The following RBFOX1 variants were observed in gnomAD, a reference collection of about 807,000 sequenced individuals.
The protein encoded by RBFOX1 is RNA binding protein fox-1 homolog 1.
Under a neutral mutation model 57.7 loss-of-function variants are expected in RBFOX1, and 8 were observed. The ratio of observed to expected loss-of-function variants is 0.14; its 90% CI spans 0.08 to 0.25. The LOEUF (loss-of-function observed/expected upper bound fraction) is 0.25, where lower values mean the gene tolerates loss of function less well. Ranked by LOEUF, RBFOX1 falls within the 10% of genes least tolerant of loss-of-function variation. RBFOX1 has a pLI of 1.00. For synonymous variants in RBFOX1, 326 were observed against 222.4 expected (o/e 1.47, Z -4.15); for missense variants, 611 against 548.5 (o/e 1.11, Z -1.14).
At chr16:5,384,377 T>G (rs1169311408) in intron 1 of RBFOX1, among the ~76,000 whole-genome samples, 1 of 152,014 alleles carries the variant, frequency 6.6e-6, no homozygotes, top group African/African-American at 2.4e-5. Flanking sequence ...TCAATAGAGG[T>G]TCTCCTAAAG....
intron 4 of RBFOX1, among the ~76,000 whole-genome samples, chr16:7,489,118 G>T (rs1599765997): frequency 6.6e-6 from 1 of 151,988 alleles, no homozygotes; most frequent in African/African-American, 2.4e-5. Flanking sequence ...TTCTCATTCT[G>T]TCCAAATCTC....
chr16:6,859,939 G>A (rs533436149), intron 3 of RBFOX1, among the ~76,000 whole-genome samples: 1 of 152,160 alleles, frequency 6.6e-6, no homozygotes, highest in Non-Finnish European at 1.5e-5. Context: ...TTAATGAATT[G>A]AGACAGCTGA....
chr16:6,859,760 A>C (rs2058678931), intron 3 of RBFOX1, among the ~76,000 whole-genome samples: 1 of 152,196 alleles, frequency 6.6e-6, no homozygotes, highest in South Asian at 2.1e-4. Context: ...CAGACATGTT[A>C]ATATGAAGTT....
At chr16:6,060,740 G>C (rs2095674848) in intron 1 of RBFOX1, among the ~76,000 whole-genome samples, 1 of 152,156 alleles carries the variant, frequency 6.6e-6, no homozygotes, top group African/African-American at 2.4e-5. Context: ...CAGGGGCAGA[G>C]AGTTCAGTCA....
intron 2 of RBFOX1, among the ~76,000 whole-genome samples, chr16:6,468,983 C>T (rs568111282): frequency 1.3e-5 from 2 of 152,084 alleles, no homozygotes; most frequent in South Asian, 4.2e-4. Context: ...GTGTTGTTTC[C>T]CTACCTTTTC....
intron 3 of RBFOX1, among the ~76,000 whole-genome samples, chr16:6,654,909 C>G (rs1287020528): frequency 6.6e-6 from 1 of 151,814 alleles, no homozygotes; most frequent in Non-Finnish European, 1.5e-5. Flanking sequence ...TCAGTCATAC[C>G]CTTCTTTTCA....
intron 2 of RBFOX1, among the ~76,000 whole-genome samples, chr16:6,624,819 A>T (rs933024613): frequency 6.6e-6 from 1 of 152,146 alleles, no homozygotes; most frequent in Non-Finnish European, 1.5e-5. Context: ...AATACTTAGC[A>T]CATACCATGT....
At chr16:6,993,216 C>A (rs1371861884) in intron 3 of RBFOX1, among the ~76,000 whole-genome samples, 1 of 152,150 alleles carries the variant, frequency 6.6e-6, no homozygotes, top group Non-Finnish European at 1.5e-5. Context: ...GATAGCTGTG[C>A]AATGACTTGT....
intron 4 of RBFOX1, among the ~76,000 whole-genome samples, chr16:5,940,389 T>G (rs1026580281): frequency 1.3e-5 from 2 of 152,170 alleles, no homozygotes; most frequent in African/African-American, 4.8e-5. Flanking sequence ...CATTTGATCC[T>G]CCTATTAGCC....
intron 1 of RBFOX1, among the ~76,000 whole-genome samples, chr16:5,370,489 A>AATT (rs1036584218): frequency 6.7e-6 from 1 of 149,248 alleles, no homozygotes; most frequent in Non-Finnish European, 1.5e-5. Context: ...CTTTTTACAA[A>AATT]ATTATTATTA....
intron 3 of RBFOX1, among the ~76,000 whole-genome samples, chr16:5,699,200 C>G (rs2050947668): frequency 6.6e-6 from 1 of 151,974 alleles, no homozygotes; most frequent in Non-Finnish European, 1.5e-5. Context: ...ATTGGCCAGG[C>G]TGGTCTTGAA....
intron 2 of RBFOX1, among the ~76,000 whole-genome samples, chr16:6,548,010 T>G (rs1363461338): frequency 6.6e-6 from 1 of 152,176 alleles, no homozygotes; most frequent in Non-Finnish European, 1.5e-5. Context: ...ATAGCCCTTA[T>G]TATCTATTTT....
At chr16:7,164,710 C>A (rs181506453) in intron 4 of RBFOX1, among the ~76,000 whole-genome samples, 7 of 152,284 alleles carry the variant, frequency 4.6e-5, no homozygotes, top group Admixed American at 4.6e-4. Flanking sequence ...TCAGTTTTCC[C>A]CTACCTCATG....
chr16:6,038,529 G>GAT (rs1491489930), intron 1 of RBFOX1: 1 of 94,780 alleles, frequency 1.1e-5, no homozygotes, highest in East Asian at 3.1e-4. Context: ...TATATCCGTG[G>GAT]AGATATATAT....
At chr16:6,726,879 T>C (rs888915459) in intron 3 of RBFOX1, among the ~76,000 whole-genome samples, 7 of 152,144 alleles carry the variant, frequency 4.6e-5, no homozygotes, top group African/African-American at 1.7e-4. Context: ...GGAATTATTA[T>C]TGGCTGTGCT....
At chr16:7,288,453 G>C (rs2095693864) in intron 4 of RBFOX1, among the ~76,000 whole-genome samples, 1 of 152,168 alleles carries the variant, frequency 6.6e-6, no homozygotes, top group Non-Finnish European at 1.5e-5. Context: ...ACATCACCTT[G>C]CTTATCAGAT....
chr16:5,347,020 A>C (rs936532940), intron 1 of RBFOX1, among the ~76,000 whole-genome samples: 1 of 151,766 alleles, frequency 6.6e-6, no homozygotes, highest in African/African-American at 2.4e-5. Flanking sequence ...TAACACACCT[A>C]CTTGGCTTGT....
Position 5,693,988 on chromosome 16 carries a change from T to C in RBFOX1, c.318+95027T>C, listed in dbSNP as rs551178466. On this transcript the variant is annotated intron_variant, in intron 3 of 19. Coordinates refer to the RBFOX1 transcript ENST00000641259. ...TAGAGTAGACATCTTGTCTATCTTT[T>C]GCTAGCATCTAGCACACAGCTTCGG... Among the ~76,000 whole-genome samples the C allele has an allele frequency of 2.6e-5, 4 of 152,356 alleles. No homozygotes were observed. The South Asian group carries it at 8.3e-4, about 32-fold the overall frequency.
At chr16:6,646,400 A>T (rs546672864) in intron 2 of RBFOX1, among the ~76,000 whole-genome samples, 2 of 152,298 alleles carry the variant, frequency 1.3e-5, no homozygotes, top group African/African-American at 4.8e-5. Context: ...TAATCCTGAC[A>T]AGAATAAATT....
Sources: allele counts gnomAD v4.1 joint callset (sites outside exome capture counted in the v4.1 genomes callset), GRCh38; gene constraint gnomAD v4.1.1; transcripts MANE v1.5; gene names NCBI Gene and HGNC (gene_info 2026-07-23, HGNC 2026-07-21).